CCSER2: variants seen among roughly 807,000 people sequenced by gnomAD.
The protein encoded by CCSER2 is serine-rich coiled-coil domain-containing protein 2.
In CCSER2, 46 loss-of-function variants were observed where a neutral mutation model predicts 92.3. The observed-to-expected ratio is 0.50, with a 90% confidence interval of 0.39 to 0.64. The LOEUF is 0.64. Among genes scored for constraint, CCSER2 ranks in the 30% least tolerant of loss-of-function variants. CCSER2 has a pLI of 0.00. For missense variants in CCSER2, 1,244 were observed against 1,238.9 expected, an observed-to-expected ratio of 1.00 and a Z score of -0.06; for synonymous variants, 433 against 431.4, an observed-to-expected ratio of 1.00 and a Z score of -0.04.
chr10:84,390,762 C>T (rs887276391), intron 3 of CCSER2: 4 of 388,406 alleles, frequency 1.0e-5, no homozygotes, highest in African/African-American at 8.1e-5. Context: ...CTTTCTCATC[C>T]TACTTGGGCT....
At position 84,514,963 on chromosome 10, in the gene CCSER2, A is replaced by T. The variant is rs185314032; in HGVS notation, c.*696A>T. 1 of 152,810 alleles carries T rather than the reference A, an allele frequency of 6.5e-6. No individual in the cohort carries two copies. Among genetic ancestry groups the T allele is most frequent in the East Asian group, 1.9e-4 (1 of 5,186 alleles). 9.5% of individuals were successfully genotyped at this position (152,810 alleles called of 1,614,324 possible). ...CATCTTGTTTTACAAACACATGTGCATGCACACACACATATACACACACAT... is the reference window on the plus strand; with the variant it reads ...CATCTTGTTTTACAAACACATGTGCTTGCACACACACATATACACACACAT... On this transcript the variant is annotated 3_prime_UTR_variant, in exon 10 of 10. Transcript: ENST00000372088.
intron 3 of CCSER2, among the ~76,000 whole-genome samples, chr10:84,415,969 C>T (rs570702121): frequency 2.8e-4 from 43 of 152,286 alleles, no homozygotes; most frequent in Non-Finnish European, 5.1e-4. Context: ...GACAGATCTG[C>T]CTTGCTGGTA....
chr10:84,511,513 C>A (rs1254647862), intron 9 of CCSER2, among the ~76,000 whole-genome samples: 2 of 152,106 alleles, frequency 1.3e-5, no homozygotes, highest in African/African-American at 4.8e-5. Flanking sequence ...AGACATATTA[C>A]AATAAAGTCC....
intron 8 of CCSER2, among the ~76,000 whole-genome samples, chr10:84,477,364 T>C (rs1489079849): frequency 6.6e-6 from 1 of 152,166 alleles, no homozygotes; most frequent in East Asian, 1.9e-4. Context: ...GCCAGAACTA[T>C]TTTGCCATGT....
rs2131899863 is a variant in CCSER2, at chr10:84,517,148, G to A, written c.*2881G>A. 6.6e-6 allele frequency: 1 copy of A among 152,296 alleles called. No individual in the cohort carries two copies. The highest frequency in any genetic ancestry group is 1.9e-4 in the East Asian group (1 of 5,182). 9.4% of individuals were successfully genotyped at this position (152,296 alleles called of 1,614,324 possible). On this transcript the variant is annotated 3_prime_UTR_variant, in exon 10 of 10. Transcript: ENST00000372088. ...ATCAATGAAGATAGTTACAGTATAT[G>A]AATTCTAAGTCCTGAGGAAGAAATT...
At chr10:84,372,528 C>T in intron 2 of CCSER2, 59 bp downstream of exon 2, 4 of 968,334 alleles carry the variant, frequency 4.1e-6, no homozygotes, top group Non-Finnish European at 4.6e-6. Flanking sequence ...ACTGAACTTA[C>T]ATTTAGGATT....
At chr10:84,499,328 G>T (rs1298813161) in intron 9 of CCSER2, among the ~76,000 whole-genome samples, 2 of 151,986 alleles carry the variant, frequency 1.3e-5, no homozygotes, top group South Asian at 4.2e-4. Context: ...TAAAGACAGG[G>T]TTTCACCATT....
At chr10:84,385,004 A>AACACACACACACAC (rs56977232) in intron 3 of CCSER2, among the ~76,000 whole-genome samples, 1,791 of 145,822 alleles carry the variant, frequency 0.012, 25 homozygotes, top group East Asian at 0.061. Flanking sequence ...ATTTACAATA[A>AACACACACACACAC]ACACACACAC....
In CCSER2 at chr10:84,461,192, T is replaced by G. The variant is rs143627795; in HGVS notation, c.2065-2741T>G. Among the ~76,000 whole-genome samples the G allele has an allele frequency of 2.4e-3, 365 of 152,308 alleles. 1 individual carries two copies. The highest frequency in any genetic ancestry group is 8.4e-3 in the African/African-American group (349 of 41,574). ...GACTTCTTCTTTGACCCAAGGATGA[T>G]TTAGAAGGTTGTCTACTTTTCAAGT... On this transcript the variant is annotated intron_variant, in intron 6 of 9. Transcript: ENST00000372088.
chr10:84,387,291 A>T lies in CCSER2; in HGVS notation c.1614+13476A>T, dbSNP rs926937053. Among the ~76,000 whole-genome samples the T allele has an allele frequency of 4.6e-5, 7 of 151,892 alleles. No individual in the cohort carries two copies. The East Asian group carries it at 1.4e-3, about 29-fold the overall frequency. On this transcript the variant is annotated intron_variant, in intron 3 of 9. Transcript: ENST00000372088. ...GAGACCCCATGGCACTTTAAATCACACCCTGGTTTTCTGCCTTTCTCCTTC... is the reference window on the plus strand; with the variant it reads ...GAGACCCCATGGCACTTTAAATCACTCCCTGGTTTTCTGCCTTTCTCCTTC...
chr10:84,475,426 A>G (rs1847080973), intron 8 of CCSER2, among the ~76,000 whole-genome samples: 1 of 152,210 alleles, frequency 6.6e-6, no homozygotes, highest in African/African-American at 2.4e-5. Context: ...ATATTTGCCA[A>G]ATATTATTTT....
chr10:84,354,500 T>C (rs1012371162), intron 1 of CCSER2, among the ~76,000 whole-genome samples: 22 of 152,150 alleles, frequency 1.4e-4, no homozygotes, highest in Admixed American at 1.3e-3. Context: ...TACTTTTTTA[T>C]TTCTCTTCTT....
At chr10:84,419,817 GACAAGACTTCCCA>G (rs1199735073) in intron 4 of CCSER2, among the ~76,000 whole-genome samples, 1 of 152,220 alleles carries the variant, frequency 6.6e-6, no homozygotes, top group African/African-American at 2.4e-5. Context: ...GGAGTTAAAA[GACAAGACTTCCCA>G]ACAGAACAGT....
chr10:84,363,835 G>A (rs11201006), intron 1 of CCSER2, among the ~76,000 whole-genome samples: 54,090 of 152,046 alleles, frequency 0.36, 11,505 homozygotes, highest in East Asian at 0.5. Context: ...AAGGGGATCT[G>A]TTCTGAGAAA....
intron 1 of CCSER2, among the ~76,000 whole-genome samples, chr10:84,357,344 G>A (rs985081563): frequency 1.3e-5 from 2 of 152,164 alleles, no homozygotes; most frequent in Admixed American, 6.5e-5. Flanking sequence ...TAACTACACC[G>A]TCCATAGAAA....
intron 3 of CCSER2, among the ~76,000 whole-genome samples, chr10:84,417,529 T>C (rs1244550110): frequency 1.3e-5 from 2 of 152,192 alleles, no homozygotes; most frequent in Non-Finnish European, 2.9e-5. Context: ...TTTTTTAATA[T>C]GAAAATAAAA....
At chr10:84,414,576 T>C (rs1165005525) in intron 3 of CCSER2, among the ~76,000 whole-genome samples, 1 of 151,910 alleles carries the variant, frequency 6.6e-6, no homozygotes, top group Non-Finnish European at 1.5e-5. Flanking sequence ...TGGCTGCCCT[T>C]AACATTTTTT....
At chr10:84,458,595 A>G (rs1845913271) in intron 6 of CCSER2, among the ~76,000 whole-genome samples, 1 of 152,200 alleles carries the variant, frequency 6.6e-6, no homozygotes, top group Non-Finnish European at 1.5e-5. Context: ...TAGGGAGAAT[A>G]CTGAATCTCC....
chr10:84,386,643 C>T (rs1327587387), intron 3 of CCSER2, among the ~76,000 whole-genome samples: 4 of 152,148 alleles, frequency 2.6e-5, no homozygotes, highest in Non-Finnish European at 1.5e-5. Context: ...CACTCGAACC[C>T]AGGCAGAGGC....
Sources: allele counts gnomAD v4.1 joint callset (sites outside exome capture counted in the v4.1 genomes callset), GRCh38; gene constraint gnomAD v4.1.1; transcripts MANE v1.5; gene names NCBI Gene and HGNC (gene_info 2026-07-23, HGNC 2026-07-21).